CATSPERE: variants seen among roughly 807,000 people sequenced by gnomAD.
CATSPERE encodes catsper channel auxiliary subunit epsilon.
In CATSPERE, 93 loss-of-function variants were observed where a neutral mutation model predicts 114.1. The ratio of observed to expected loss-of-function variants is 0.81; its 90% CI spans 0.69 to 0.97. CATSPERE has a LOEUF of 0.97. Ranked by LOEUF, CATSPERE falls within the 50% of genes least tolerant of loss-of-function variation. CATSPERE has a pLI of 0.00. For synonymous variants in CATSPERE, 341 were observed against 384.1 expected, an observed-to-expected ratio of 0.89 and a Z score of 1.31; for missense variants, 1,058 against 1,131.6, an observed-to-expected ratio of 0.93 and a Z score of 0.93.
intron 11 of CATSPERE, among the ~76,000 whole-genome samples, chr1:244,577,540 G>A (rs910495146): frequency 1.3e-5 from 2 of 152,182 alleles, no homozygotes; most frequent in Non-Finnish European, 2.9e-5. Context: ...AGATCAAGAT[G>A]CCAGCAGACT....
At chr1:244,477,510 T>A in intron 2 of CATSPERE, 31 bp from the exon 3 acceptor site, 1 of 1,291,808 alleles carries the variant, frequency 7.7e-7, no homozygotes. Flanking sequence ...TGAATGATAT[T>A]TTTTGTTCGA....
At chr1:244,595,403 T>A (rs1389539819) in intron 17 of CATSPERE, among the ~76,000 whole-genome samples, 1 of 152,224 alleles carries the variant, frequency 6.6e-6, no homozygotes, top group Non-Finnish European at 1.5e-5. Context: ...AGTATTTTGC[T>A]AGAGGCAGAG....
intron 14 of CATSPERE, among the ~76,000 whole-genome samples, chr1:244,591,332 A>G (rs1234933358): frequency 6.6e-6 from 1 of 152,200 alleles, no homozygotes; most frequent in Admixed American, 6.5e-5. Flanking sequence ...TAAAGTCACC[A>G]TGTTGTACAA....
chr1:244,483,313 A>G (rs1179380703), intron 5 of CATSPERE, among the ~76,000 whole-genome samples: 1 of 152,242 alleles, frequency 6.6e-6, no homozygotes, highest in African/African-American at 2.4e-5. Flanking sequence ...GATTTAATGC[A>G]TATAAATGAA....
chr1:244,528,197 T>G (rs961802742), intron 8 of CATSPERE, among the ~76,000 whole-genome samples: 3 of 152,192 alleles, frequency 2.0e-5, no homozygotes, highest in African/African-American at 7.2e-5. Flanking sequence ...CAGCTCCCAA[T>G]TATAAGTGAG....
Position 244,559,664 on chromosome 1 carries a change from A to T in CATSPERE, c.1030-1004A>T, listed in dbSNP as rs995371829. Among the ~76,000 whole-genome samples, 17 of 152,294 alleles carry T rather than the reference A, an allele frequency of 1.1e-4. No individual in the cohort carries two copies. The South Asian group carries it at 3.1e-3, about 28-fold the overall frequency. On this transcript the variant is annotated intron_variant, in intron 9 of 21. Coordinates refer to ENST00000366534, the MANE Select transcript of CATSPERE (RefSeq NM_001130957.2). ...TTTAAGTTTCTCTTCTCTTTATCTGATAACCAAGGAATCTAGAATTCCAAA... is the reference window on the plus strand; with the variant it reads ...TTTAAGTTTCTCTTCTCTTTATCTGTTAACCAAGGAATCTAGAATTCCAAA...
At chr1:244,475,191 C>G (rs1669109333) in intron 2 of CATSPERE, among the ~76,000 whole-genome samples, 2 of 150,602 alleles carry the variant, frequency 1.3e-5, no homozygotes, top group Non-Finnish European at 3.0e-5. Context: ...CTTTTATTAT[C>G]ATCTTACACT....
At chr1:244,630,556 C>T (rs1228323404) in intron 20 of CATSPERE, among the ~76,000 whole-genome samples, 1 of 152,088 alleles carries the variant, frequency 6.6e-6, no homozygotes, top group Non-Finnish European at 1.5e-5. Context: ...TATCAGTCCC[C>T]AAAACTCATC....
At chr1:244,454,126 C>G (rs1198709295), upstream of CATSPERE, among the ~76,000 whole-genome samples, 1 of 152,016 alleles carries the variant, frequency 6.6e-6, no homozygotes, top group Admixed American at 6.5e-5. Context: ...TCCAGCAGAC[C>G]TAACTCAAAA....
At chr1:244,525,306 A>T (rs1357042790) in intron 8 of CATSPERE, among the ~76,000 whole-genome samples, 1 of 134,326 alleles carries the variant, frequency 7.4e-6, no homozygotes, top group Admixed American at 8.3e-5. Flanking sequence ...ACATGGACAC[A>T]GGAAAGGGAA....
At chr1:244,530,817 C>T (rs938704809) in intron 8 of CATSPERE, among the ~76,000 whole-genome samples, 3 of 151,962 alleles carry the variant, frequency 2.0e-5, no homozygotes, top group African/African-American at 7.3e-5. Flanking sequence ...AGATTGTTTG[C>T]TCTTGGCATA....
At chr1:244,490,571 A>G in intron 6 of CATSPERE, 100 bp downstream of exon 6, 1 of 783,528 alleles carries the variant, frequency 1.3e-6, no homozygotes, top group South Asian at 1.7e-5. Context: ...TTTCAAATGA[A>G]TTTTGCAATG....
intron 20 of CATSPERE, among the ~76,000 whole-genome samples, chr1:244,626,452 T>G (rs1274444098): frequency 8.3e-6 from 1 of 120,792 alleles, no homozygotes; most frequent in Non-Finnish European, 1.6e-5. Context: ...ACCATTGCAC[T>G]CCAGTCTGGG....
At chr1:244,550,820 A>G (rs1357240903) in intron 8 of CATSPERE, among the ~76,000 whole-genome samples, 1 of 152,186 alleles carries the variant, frequency 6.6e-6, no homozygotes, top group Non-Finnish European at 1.5e-5. Context: ...TAAGAAAATG[A>G]GTGACTCAAG....
chr1:244,548,394 C>G (rs899893196), intron 8 of CATSPERE, among the ~76,000 whole-genome samples: 23 of 152,180 alleles, frequency 1.5e-4, no homozygotes, highest in African/African-American at 5.5e-4. Context: ...AACAGTGGAC[C>G]CCCAATATGA....
In CATSPERE at chr1:244,477,933, C is replaced by T. The variant is rs1397644607; in HGVS notation, c.216C>T (p.Ser72=). 6 of 1,609,902 alleles carry T rather than the reference C, an allele frequency of 3.7e-6. No homozygotes were observed. Among genetic ancestry groups the T allele is most frequent in the Non-Finnish European group, 5.1e-6 (6 of 1,176,930 alleles). Residue 72 remains serine (S), a synonymous_variant, in exon 4 of 22, where the codon TCC becomes TCT. Coordinates refer to ENST00000366534, the MANE Select transcript of CATSPERE (RefSeq NM_001130957.2). ...KSSPTTELRC[S]SPGVHAIKPI... ...CACCCACGACAGAATTGCGTTGTTC[C>T]TCACCTGGTGTTCACGCTATAAAAC...
intron 7 of CATSPERE, among the ~76,000 whole-genome samples, chr1:244,503,330 A>C (rs1187207789): frequency 6.6e-6 from 1 of 152,150 alleles, no homozygotes; most frequent in Non-Finnish European, 1.5e-5. Context: ...GGGTTTCCAC[A>C]ATCTTCTGAA....
chr1:244,584,557 A>G (rs575163731), intron 13 of CATSPERE, among the ~76,000 whole-genome samples: 1 of 152,156 alleles, frequency 6.6e-6, no homozygotes, highest in Admixed American at 6.5e-5. Context: ...ATATTATAGT[A>G]TTGTGAAATT....
intron 7 of CATSPERE, chr1:244,515,289 A>C (rs1208479502): frequency 1.0e-6 from 1 of 973,232 alleles, no homozygotes; most frequent in African/African-American, 1.8e-5. Flanking sequence ...TTCCCTGATC[A>C]CAGCTGTCTC....
Sources: allele counts gnomAD v4.1 joint callset (sites outside exome capture counted in the v4.1 genomes callset), GRCh38; gene constraint gnomAD v4.1.1; transcripts MANE v1.5; gene names NCBI Gene and HGNC (gene_info 2026-07-23, HGNC 2026-07-21).